RARS2: variants seen among roughly 807,000 people sequenced by gnomAD.
RARS2 encodes the protein probable arginine--tRNA ligase, mitochondrial.
In RARS2, 67 loss-of-function variants were observed where a neutral mutation model predicts 88.5. The observed-to-expected ratio is 0.76, with a 90% CI of 0.62 to 0.93. RARS2 has a LOEUF of 0.93. Among genes scored for constraint, RARS2 ranks in the 40% least tolerant of loss-of-function variants. RARS2 has a pLI of 0.00. For missense variants in RARS2, 664 were observed against 684.2 expected, an observed-to-expected ratio of 0.97 and a Z score of 0.33; for synonymous variants, 239 against 230.3, an observed-to-expected ratio of 1.04 and a Z score of -0.34.
At chr6:87,531,184 T>C (rs1167529483) in intron 8 of RARS2, among the ~76,000 whole-genome samples, 1 of 152,212 alleles carries the variant, frequency 6.6e-6, no homozygotes, top group Non-Finnish European at 1.5e-5. Context: ...AAAGAATTAC[T>C]CTGAAATAAC....
In RARS2 at chr6:87,545,556, A is replaced by G. The variant is rs35056836; in HGVS notation, c.535+60T>C. On this transcript the variant is annotated intron_variant, in intron 7 of 19. Transcript: ENST00000369536. ...ATTCTGCCTATATTCTGTCCAGATC[A>G]AAGTTTTTACAAATTGAATTTTACA... The G allele has an allele frequency of 0.041, 65,566 of 1,609,162 alleles. 1,578 individuals carry two copies. Among genetic ancestry groups the G allele is most frequent in the Non-Finnish European group, 0.047 (55,192 of 1,177,522 alleles).
chr6:87,567,449 TA>T (rs1164454152), intron 2 of RARS2, among the ~76,000 whole-genome samples: 1 of 152,226 alleles, frequency 6.6e-6, no homozygotes, highest in African/African-American at 2.4e-5. Context: ...CATTGGCTTA[TA>T]ATAAAGTTGT....
chr6:87,525,416 A>AT (rs1472157783), intron 10 of RARS2, among the ~76,000 whole-genome samples: 1 of 152,220 alleles, frequency 6.6e-6, no homozygotes, highest in East Asian at 1.9e-4. Flanking sequence ...ATATGATCTT[A>AT]TAAATAGAAA....
At chr6:87,556,511 G>C (rs973814351) in intron 4 of RARS2, among the ~76,000 whole-genome samples, 16 of 151,854 alleles carry the variant, frequency 1.1e-4, no homozygotes, top group Non-Finnish European at 2.1e-4. Flanking sequence ...TTTTGGAAGG[G>C]CACAGTGGAT....
At chr6:87,556,308 T>A (rs1296710769) in intron 4 of RARS2, among the ~76,000 whole-genome samples, 1 of 152,200 alleles carries the variant, frequency 6.6e-6, no homozygotes, top group African/African-American at 2.4e-5. Context: ...TATATTTTAC[T>A]TTTATTTTTA....
intron 8 of RARS2, among the ~76,000 whole-genome samples, chr6:87,536,559 C>T (rs1779240245): frequency 6.6e-6 from 1 of 151,546 alleles, no homozygotes; most frequent in South Asian, 2.1e-4. Context: ...ATCATTTGAA[C>T]CCGGGAGGCA....
chr6:87,564,741 T>A (rs537092955), intron 2 of RARS2: 2 of 210,840 alleles, frequency 9.5e-6, no homozygotes, highest in African/African-American at 4.8e-5. Flanking sequence ...AATAACCTAG[T>A]ATTTATTCAG....
Position 87,519,701 on chromosome 6 carries a change from C to T in RARS2, c.1119G>A (p.Gln373=). Residue 373 remains glutamine (Q), a synonymous_variant, in exon 14 of 20, where the codon CAG becomes CAA. Transcript: ENST00000369536. ...IMGYDWAERC[Q]HVPFGVVQGM... is the part of the protein sequence containing the mutation. ...CCTGTACTACTCCAAAGGGCACGTGCTGGCACCTAAAAGAGTGGGCATCTA... is the reference window on the plus strand; with the variant it reads ...CCTGTACTACTCCAAAGGGCACGTGTTGGCACCTAAAAGAGTGGGCATCTA... The T allele has an allele frequency of 6.2e-7, 1 of 1,613,972 alleles. No individual in the cohort carries two copies. Among genetic ancestry groups the T allele is most frequent in the Non-Finnish European group, 8.5e-7 (1 of 1,179,884 alleles).
At chr6:87,569,780 C>A (rs950681468) in intron 1 of RARS2, among the ~76,000 whole-genome samples, 190 bp from the exon 2 acceptor site, 1 of 151,608 alleles carries the variant, frequency 6.6e-6, no homozygotes, top group Non-Finnish European at 1.5e-5. Flanking sequence ...TCTGGAAAAC[C>A]CAAAATTCTA....
At position 87,545,611 on chromosome 6, in the gene RARS2, C is replaced by T. The variant is rs778426835; in HGVS notation, c.535+5G>A. ...AATGAAAAATAAAATCTCAAGTGTA[C>T]TTACCAAACTGCATGCCCCAATCGC... On this transcript the variant is annotated splice_donor_5th_base_variant and intron_variant, in intron 7 of 19. Coordinates refer to ENST00000369536, the MANE Select transcript of RARS2 (RefSeq NM_020320.5). 3 of 1,613,282 alleles carry T rather than the reference C, an allele frequency of 1.9e-6. No individual in the cohort carries two copies. The highest frequency in any genetic ancestry group is 2.2e-5 in the South Asian group (2 of 91,066).
At position 87,585,371 on chromosome 6, in the gene RARS2, T is replaced by C. The variant is rs559144659; in HGVS notation, c.36+4551A>G. 1.7e-3 allele frequency among the ~76,000 whole-genome samples: 262 copies of C among 152,320 alleles called. 2 individuals carry two copies. Among genetic ancestry groups the C allele is most frequent in the African/African-American group, 5.9e-3 (247 of 41,576 alleles). ...ACAATTACTCTTATTATTGTCATCATAGAAGCAAACAAGGGACTAAGAGAA... is the reference window on the plus strand; with the variant it reads ...ACAATTACTCTTATTATTGTCATCACAGAAGCAAACAAGGGACTAAGAGAA... On this transcript the variant is annotated intron_variant, in intron 1 of 19. Coordinates refer to ENST00000369536, the MANE Select transcript of RARS2 (RefSeq NM_020320.5).
intron 8 of RARS2, among the ~76,000 whole-genome samples, chr6:87,540,258 G>A (rs1374446455): frequency 6.6e-6 from 1 of 151,410 alleles, no homozygotes; most frequent in East Asian, 1.9e-4. Context: ...GACCAGCCTG[G>A]ACAACATAGT....
In RARS2 at chr6:87,516,788, AG is replaced by A. The variant is rs1771886363; in HGVS notation, c.1586+17del. On this transcript the variant is annotated intron_variant, in intron 18 of 19. Transcript: ENST00000369536. ...TCAAATGCCATTAACACCTGAAAAC[AG>A]GAAGATTATAAAGTACCTTAAAGTT... 6.2e-7 allele frequency: 1 copy of A among 1,612,740 alleles called. No homozygotes were observed. Among genetic ancestry groups the A allele is most frequent in the Non-Finnish European group, 8.5e-7 (1 of 1,179,324 alleles).
intron 1 of RARS2, among the ~76,000 whole-genome samples, chr6:87,575,072 T>C (rs112069154): frequency 6.6e-6 from 1 of 151,514 alleles, no homozygotes. Flanking sequence ...GTCATAAGGA[T>C]AGAGACAAAA....
intron 8 of RARS2, among the ~76,000 whole-genome samples, chr6:87,537,832 T>TAGAATCAC (rs1779671380): frequency 6.6e-6 from 1 of 152,232 alleles, no homozygotes; most frequent in South Asian, 2.1e-4. Context: ...TTTCCAAGCA[T>TAGAATCAC]AGAATCACGA....
intron 1 of RARS2, among the ~76,000 whole-genome samples, chr6:87,586,852 C>T (rs899887222): frequency 6.6e-6 from 1 of 151,918 alleles, no homozygotes; most frequent in Non-Finnish European, 1.5e-5. Context: ...ACCTGTTGAG[C>T]ATCCCTAAAC....
rs947936942 is a variant in RARS2, at chr6:87,519,521, G to T, written c.1237+62C>A. ...GACATAATAAATCACACTGCCCAAA[G>T]TCCAGAATAACATAAAAGTGGCACG... On this transcript the variant is annotated intron_variant, in intron 14 of 19. Transcript: ENST00000369536. 2.9e-5 allele frequency: 45 copies of T among 1,532,762 alleles called. No homozygotes were observed. In the Admixed American group the frequency reaches 7.2e-4, roughly 25 times the overall value. 94.9% of individuals were successfully genotyped at this position (1,532,762 alleles called of 1,614,324 possible).
At chr6:87,548,231 A>C (rs914279955) in intron 6 of RARS2, among the ~76,000 whole-genome samples, 1 of 152,130 alleles carries the variant, frequency 6.6e-6, no homozygotes, top group African/African-American at 2.4e-5. Flanking sequence ...TGACAAAAAA[A>C]CCACAAAATA....
At chr6:87,566,849 CAAAAAAAAAAAA>C (rs36032606) in intron 2 of RARS2, among the ~76,000 whole-genome samples, 6 of 60,294 alleles carry the variant, frequency 1.0e-4, no homozygotes, top group African/African-American at 3.9e-4. Context: ...GGTCCTGTCT[CAAAAAAAAAAAA>C]AAAAAAAAAA....
Sources: allele counts gnomAD v4.1 joint callset (sites outside exome capture counted in the v4.1 genomes callset), GRCh38; gene constraint gnomAD v4.1.1; transcripts MANE v1.5; gene names NCBI Gene and HGNC (gene_info 2026-07-23, HGNC 2026-07-21).